Variants in PTPRN2 observed in about 807,000 individuals in gnomAD.
PTPRN2 encodes protein tyrosine phosphatase receptor type N2.
A neutral mutation model predicts 118.8 loss-of-function variants in PTPRN2; 74 were observed. That is an observed-to-expected ratio of 0.62 (90% CI 0.52 to 0.76). PTPRN2 has a LOEUF of 0.76. Among genes scored for constraint, PTPRN2 ranks in the 30% least tolerant of loss-of-function variants. The pLI, the probability that PTPRN2 is intolerant of heterozygous loss-of-function variation, is 0.00. For synonymous variants in PTPRN2, 641 were observed against 608.0 expected (o/e 1.05, Z -0.80); for missense variants, 1,481 against 1,394.4 (o/e 1.06, Z -0.99).
rs534335792 is a variant in PTPRN2 at position 158,223,196 on chromosome 7, A to C, written c.278-17923T>G. On this transcript the variant is annotated intron_variant, in intron 3 of 22. Transcript: ENST00000389418. ...AATTAATAATTAAATATCTACCCAG[A>C]AAGAAATAATCAGGCCCAGATGGTT... 2.0e-5 allele frequency among the ~76,000 whole-genome samples: 3 copies of C among 152,318 alleles called. No individual in the cohort carries two copies. In the South Asian group the frequency reaches 6.2e-4, roughly 32 times the overall value.
chr7:157,573,969 T>C (rs1052983027), intron 19 of PTPRN2, among the ~76,000 whole-genome samples: 4 of 152,100 alleles, frequency 2.6e-5, no homozygotes, highest in African/African-American at 9.7e-5. Context: ...TTACAAAGGA[T>C]CATGCAGTTG....
intron 1 of PTPRN2, among the ~76,000 whole-genome samples, chr7:158,554,220 G>A (rs774891954): frequency 1.2e-4 from 18 of 152,202 alleles, no homozygotes; most frequent in Non-Finnish European, 2.5e-4. Flanking sequence ...AGCTGAGATC[G>A]CGCCACTGCA....
intron 3 of PTPRN2, among the ~76,000 whole-genome samples, chr7:158,293,120 CCTGCAGGACTGAAATTTG>C (rs1800231043): frequency 6.6e-6 from 1 of 151,966 alleles, no homozygotes; most frequent in Admixed American, 6.6e-5. Flanking sequence ...ATGAATGGAG[CCTGCAGGACTGAAATTTG>C]CTCTGAGTGC....
intron 3 of PTPRN2, among the ~76,000 whole-genome samples, chr7:158,270,852 G>GGC (rs1798359407): frequency 1.2e-4 from 1 of 8,064 alleles, no homozygotes; most frequent in Non-Finnish European, 2.2e-4. Flanking sequence ...CACCTGGACC[G>GGC]CCCCCCCACC....
intron 11 of PTPRN2, among the ~76,000 whole-genome samples, chr7:158,055,333 G>A (rs76992034): frequency 0.013 from 1,950 of 152,320 alleles, 25 homozygotes; most frequent in East Asian, 0.066. Flanking sequence ...TGTCTGGGAA[G>A]ATGCCCGTTG....
At chr7:158,334,850 C>A (rs1280713111) in intron 2 of PTPRN2, among the ~76,000 whole-genome samples, 1 of 38,256 alleles carries the variant, frequency 2.6e-5, no homozygotes, top group African/African-American at 9.2e-5. Context: ...CACCTGCAGA[C>A]GTCACTCACA....
chr7:157,954,251 C>G (rs1231678469), intron 11 of PTPRN2, among the ~76,000 whole-genome samples: 1 of 45,354 alleles, frequency 2.2e-5, no homozygotes, highest in African/African-American at 8.1e-5. Context: ...TGCCTGTGTA[C>G]TGTGTGTGCT....
In PTPRN2 at chr7:158,102,429, G is replaced by A. The variant is rs151089369; in HGVS notation, c.1643+8400C>T. 3.4e-3 allele frequency among the ~76,000 whole-genome samples: 516 copies of A among 152,290 alleles called. 8 individuals carry two copies. Among genetic ancestry groups the A allele is most frequent in the Admixed American group, 0.022 (330 of 15,290 alleles). On this transcript the variant is annotated intron_variant, in intron 10 of 22. Transcript: ENST00000389418. ...TTCCTCCCTCCCATGGCTCCAGGCC[G>A]CCCTGCTGCTCATGGAGGCACCTCT...
In PTPRN2 at chr7:158,512,810, C is replaced by T. The variant is rs565135563; in HGVS notation, c.113-23025G>A. Among the ~76,000 whole-genome samples the T allele has an allele frequency of 5.9e-5, 9 of 152,238 alleles. No homozygotes were observed. The South Asian group carries it at 6.2e-4, about 11-fold the overall frequency. On this transcript the variant is annotated intron_variant, in intron 1 of 22. Coordinates refer to ENST00000389418, the MANE Select transcript of PTPRN2 (RefSeq NM_002847.5). ...GTTTTCAAAAAGCCATAAAGATGGA[C>T]GTATTCAAAGGGACAGTTTGTGTGA...
intron 11 of PTPRN2, among the ~76,000 whole-genome samples, chr7:157,916,308 CTGG>C (rs1798390244): frequency 6.6e-6 from 1 of 152,182 alleles, no homozygotes; most frequent in Non-Finnish European, 1.5e-5. Context: ...TGTGCAGGGC[CTGG>C]TGGTTATGGT....
chr7:157,975,348 C>T (rs1048419630), intron 11 of PTPRN2, among the ~76,000 whole-genome samples: 2 of 152,206 alleles, frequency 1.3e-5, no homozygotes, highest in Non-Finnish European at 2.9e-5. Context: ...GATGCCAGCC[C>T]CTGTCTCCTC....
chr7:157,803,663 C>T (rs931019999), intron 12 of PTPRN2, among the ~76,000 whole-genome samples: 1 of 152,276 alleles, frequency 6.6e-6, no homozygotes, highest in Admixed American at 6.5e-5. Context: ...ATCCAGTTTC[C>T]CCAGCACCTG....
intron 12 of PTPRN2, among the ~76,000 whole-genome samples, chr7:157,875,289 A>G (rs1193775263): frequency 6.6e-6 from 1 of 152,126 alleles, no homozygotes; most frequent in African/African-American, 2.4e-5. Context: ...CAAACAAGAG[A>G]AAGCTGGGGA....
At chr7:157,668,723 G>C (rs1796260859) in intron 13 of PTPRN2, among the ~76,000 whole-genome samples, 1 of 152,180 alleles carries the variant, frequency 6.6e-6, no homozygotes, top group Non-Finnish European at 1.5e-5. Context: ...AAACGGTTAA[G>C]GAAAAAGCCT....
At chr7:157,887,773 T>C (rs1250360740) in intron 12 of PTPRN2, among the ~76,000 whole-genome samples, 9 of 19,632 alleles carry the variant, frequency 4.6e-4, no homozygotes, top group Admixed American at 2.1e-3. Flanking sequence ...CCCCAGTACC[T>C]GCTCCCCCAG....
intron 2 of PTPRN2, among the ~76,000 whole-genome samples, chr7:158,461,323 G>A (rs1283030305): frequency 2.6e-5 from 4 of 151,874 alleles, no homozygotes; most frequent in South Asian, 2.1e-4. Context: ...GTGAAACCCC[G>A]TCTCTACTAA....
intron 1 of PTPRN2, among the ~76,000 whole-genome samples, chr7:158,503,738 C>A: frequency 6.6e-6 from 1 of 152,210 alleles, no homozygotes; most frequent in Non-Finnish European, 1.5e-5. Context: ...CGGTGGCTCA[C>A]GCCTGTAATC....
At chr7:158,587,179 C>T (rs567939144) in intron 1 of PTPRN2, among the ~76,000 whole-genome samples, 3 of 141,820 alleles carry the variant, frequency 2.1e-5, no homozygotes, top group East Asian at 2.2e-4. Flanking sequence ...GACGCCCCTC[C>T]CCTAAACCCC....
At position 157,786,322 on chromosome 7, in the gene PTPRN2, T is replaced by G. The variant is rs182243785; in HGVS notation, c.1789-103385A>C. On this transcript the variant is annotated intron_variant, in intron 12 of 22. Transcript: ENST00000389418. ...TTCAGTATTTATTTAAATCAACATG[T>G]TTTGAAAAACTGCCTAAGTATCTGA... Among the ~76,000 whole-genome samples the G allele has an allele frequency of 2.6e-5, 4 of 152,324 alleles. No homozygotes were observed. The East Asian group carries it at 7.7e-4, about 29-fold the overall frequency.
Sources: gnomAD v4.1 joint callset for allele counts (sites outside exome capture counted in the v4.1 genomes callset) on GRCh38, gnomAD v4.1.1 for gene constraint, MANE v1.5 for transcripts, NCBI Gene and HGNC (gene_info 2026-07-23, HGNC 2026-07-21) for gene names.